The following XYLT1 variants were observed in gnomAD, a reference collection of about 807,000 sequenced individuals.
XYLT1 encodes xylosyltransferase 1, also known as beta-D-xylosyltransferase 1.
XYLT1 carries 36 observed loss-of-function variants against 91.3 expected under a neutral mutation model. The observed-to-expected ratio is 0.39, with a 90% CI of 0.30 to 0.52. XYLT1 has a LOEUF of 0.52. XYLT1 is among the 20% of genes least tolerant of loss of function. XYLT1 has a pLI of 0.68. For missense variants in XYLT1, 1,242 were observed against 1,284.5 expected (o/e 0.97, Z 0.51); for synonymous variants, 588 against 532.0 (o/e 1.11, Z -1.45).
At chr16:17,350,286 A>G (rs757535281) in intron 2 of XYLT1, among the ~76,000 whole-genome samples, 2 of 152,210 alleles carry the variant, frequency 1.3e-5, no homozygotes, top group Non-Finnish European at 2.9e-5. Flanking sequence ...AACACGATCT[A>G]TTTTTTGAAA....
chr16:17,203,929 G>A (rs1223675233), intron 3 of XYLT1, among the ~76,000 whole-genome samples: 3 of 152,030 alleles, frequency 2.0e-5, no homozygotes. Context: ...GTGTTCTGAA[G>A]AAGAGTGGCT....
At chr16:17,118,285 C>CGAATGAATGAATGAAT (rs10524608) in intron 10 of XYLT1, among the ~76,000 whole-genome samples, 2,852 of 151,456 alleles carry the variant, frequency 0.019, 34 homozygotes, top group African/African-American at 0.03. Flanking sequence ...AATGAATGAA[C>CGAATGAATGAATGAAT]GAATGAATGA....
At chr16:17,202,655 C>T (rs2032564025) in intron 3 of XYLT1, among the ~76,000 whole-genome samples, 1 of 152,222 alleles carries the variant, frequency 6.6e-6, no homozygotes. Context: ...TACTCTCTTT[C>T]ACCTCACCCG....
intron 5 of XYLT1, among the ~76,000 whole-genome samples, chr16:17,161,566 A>G (rs1274857219): frequency 1.3e-5 from 2 of 151,948 alleles, no homozygotes; most frequent in Non-Finnish European, 2.9e-5. Flanking sequence ...AAATTCTCCT[A>G]TTGTTGCTTT....
At chr16:17,330,285 G>C (rs968035450) in intron 2 of XYLT1, among the ~76,000 whole-genome samples, 1 of 152,180 alleles carries the variant, frequency 6.6e-6, no homozygotes, top group African/African-American at 2.4e-5. Context: ...GGCTCCCCAA[G>C]GTCCTTGCAA....
intron 1 of XYLT1, among the ~76,000 whole-genome samples, chr16:17,369,942 G>A (rs2035508592): frequency 6.6e-6 from 1 of 152,158 alleles, no homozygotes; most frequent in East Asian, 1.9e-4. Context: ...CGTGCAAAGG[G>A]GCTCCAAGCC....
intron 5 of XYLT1, among the ~76,000 whole-genome samples, chr16:17,187,393 C>CA (rs71137979): frequency 0.36 from 19,817 of 54,936 alleles, 3,526 homozygotes; most frequent in South Asian, 0.55. Context: ...GACTCAGTTT[C>CA]AAAAAAAAAA....
At chr16:17,297,392 C>A (rs2034327002) in intron 2 of XYLT1, among the ~76,000 whole-genome samples, 1 of 151,760 alleles carries the variant, frequency 6.6e-6, no homozygotes, top group Non-Finnish European at 1.5e-5. Context: ...CAAAGTGAGA[C>A]CCGCCCCCAC....
rs190765460 is a variant in XYLT1 at position 17,456,482 on chromosome 16, C to T, written c.363+13952G>A. Among the ~76,000 whole-genome samples the T allele has an allele frequency of 9.9e-5, 15 of 152,038 alleles. No homozygotes were observed. The East Asian group carries it at 2.9e-3, about 29-fold the overall frequency. On this transcript the variant is annotated intron_variant, in intron 1 of 11. Transcript: ENST00000261381. ...CCTCCCAAGTAGCTGGAACTACAGG[C>T]ATGCTACCATGCCCAGCTGATTGAT...
intron 1 of XYLT1, among the ~76,000 whole-genome samples, chr16:17,452,280 CTTTT>C (rs1471820071): frequency 1.4e-5 from 2 of 144,670 alleles, no homozygotes; most frequent in Non-Finnish European, 3.0e-5. Flanking sequence ...TTCCTACTTT[CTTTT>C]GTTTGATTCT....
intron 2 of XYLT1, among the ~76,000 whole-genome samples, chr16:17,299,696 T>G (rs1286116187): frequency 6.6e-6 from 1 of 152,130 alleles, no homozygotes; most frequent in East Asian, 1.9e-4. Flanking sequence ...CAGAATTGAA[T>G]GGGGGCCACT....
At chr16:17,307,006 T>G (rs76284713) in intron 2 of XYLT1, among the ~76,000 whole-genome samples, 13,808 of 152,244 alleles carry the variant, frequency 0.091, 799 homozygotes, top group South Asian at 0.17. Flanking sequence ...GGTTACTCAC[T>G]TGTGCTACCT....
chr16:17,390,824 T>C (rs900023924), intron 1 of XYLT1, among the ~76,000 whole-genome samples: 1 of 152,088 alleles, frequency 6.6e-6, no homozygotes, highest in African/African-American at 2.4e-5. Flanking sequence ...TTGCCTGAGC[T>C]CAAGAGTTCA....
intron 1 of XYLT1, among the ~76,000 whole-genome samples, chr16:17,432,407 A>G (rs192859975): frequency 1.3e-5 from 2 of 152,346 alleles, no homozygotes; most frequent in East Asian, 3.9e-4. Context: ...CTACACATAT[A>G]GACCTCAAAA....
intron 5 of XYLT1, among the ~76,000 whole-genome samples, chr16:17,180,484 G>T (rs368852384): frequency 6.6e-6 from 1 of 152,118 alleles, no homozygotes; most frequent in African/African-American, 2.4e-5. Flanking sequence ...CCCCTGGCTC[G>T]GTTTGCCAAG....
At chr16:17,239,602 T>C (rs2033313229) in intron 3 of XYLT1, among the ~76,000 whole-genome samples, 1 of 150,084 alleles carries the variant, frequency 6.7e-6, no homozygotes, top group Non-Finnish European at 1.5e-5. Flanking sequence ...CGTCCATCCA[T>C]CCATCCATCC....
At chr16:17,328,043 T>C (rs1360479533) in intron 2 of XYLT1, among the ~76,000 whole-genome samples, 1 of 152,110 alleles carries the variant, frequency 6.6e-6, no homozygotes, top group Admixed American at 6.6e-5. Context: ...CCTCCCTCCT[T>C]TGAATTAATT....
In XYLT1 at chr16:17,270,888, C is replaced by A. The variant is rs183477307; in HGVS notation, c.403-11390G>T. On this transcript the variant is annotated intron_variant, in intron 2 of 11. Coordinates refer to ENST00000261381, the MANE Select transcript of XYLT1 (RefSeq NM_022166.4). ...CCAGAAAAGCCAACATCTGGCTCTC[C>A]GCAGAAAAAATGAATGCCCCTTCAA... 2.2e-3 allele frequency among the ~76,000 whole-genome samples: 337 copies of A among 152,178 alleles called. 1 individual carries two copies. The highest frequency in any genetic ancestry group is 7.3e-3 in the African/African-American group (305 of 41,518).
intron 2 of XYLT1, among the ~76,000 whole-genome samples, chr16:17,331,805 T>C (rs908155522): frequency 2.0e-5 from 3 of 152,144 alleles, no homozygotes; most frequent in African/African-American, 7.2e-5. Flanking sequence ...AGGCCTAAAA[T>C]TAATATTATG....
Sources: gnomAD v4.1 joint callset for allele counts (sites outside exome capture counted in the v4.1 genomes callset) on GRCh38, gnomAD v4.1.1 for gene constraint, MANE v1.5 for transcripts, NCBI Gene and HGNC (gene_info 2026-07-23, HGNC 2026-07-21) for gene names.